NCOA1: variants seen among roughly 807,000 people sequenced by gnomAD.
NCOA1 encodes Hin-2 protein.
Under a neutral mutation model 150.9 loss-of-function variants are expected in NCOA1, and 35 were observed. The ratio of observed to expected loss-of-function variants is 0.23; its 90% CI spans 0.18 to 0.31. The LOEUF (loss-of-function observed/expected upper bound fraction) is 0.31, where lower values mean the gene tolerates loss of function less well. NCOA1 is among the 10% of genes least tolerant of loss of function. The pLI is 1.00. For synonymous variants in NCOA1, 590 were observed against 630.0 expected (o/e 0.94, Z 0.95); for missense variants, 1,491 against 1,749.3 (o/e 0.85, Z 2.63).
intron 22 of NCOA1, among the ~76,000 whole-genome samples, chr2:24,764,121 A>G (rs149233871): frequency 1.1e-4 from 16 of 152,324 alleles, no homozygotes; most frequent in Non-Finnish European, 2.1e-4. Context: ...AAGCCTCACT[A>G]TAACCCTATG....
chr2:24,610,124 CTTTTT>C (rs775178797), intron 3 of NCOA1, among the ~76,000 whole-genome samples: 1 of 90,200 alleles, frequency 1.1e-5, no homozygotes, highest in Non-Finnish European at 2.2e-5. Flanking sequence ...AGGCTGCATT[CTTTTT>C]TTTTTTTTTT....
chr2:24,597,951 C>A (rs1251327210), intron 3 of NCOA1, among the ~76,000 whole-genome samples: 1 of 152,068 alleles, frequency 6.6e-6, no homozygotes, highest in Non-Finnish European at 1.5e-5. Flanking sequence ...ACAACAGGCC[C>A]CGGTGTGTGA....
chr2:24,692,328 A>G (rs554817015), intron 9 of NCOA1, among the ~76,000 whole-genome samples: 1 of 152,366 alleles, frequency 6.6e-6, no homozygotes, highest in Admixed American at 6.5e-5. Context: ...CGGAGGTAAC[A>G]ATCAACTGGA....
intron 4 of NCOA1, among the ~76,000 whole-genome samples, chr2:24,656,142 A>G (rs1245509432): frequency 1.3e-5 from 2 of 151,448 alleles, no homozygotes; most frequent in Admixed American, 6.6e-5. Context: ...GCTTGCATGC[A>G]GGATATGAGA....
chr2:24,752,311 C>G (rs946879629), intron 20 of NCOA1, among the ~76,000 whole-genome samples, 155 bp downstream of exon 20: 5 of 152,158 alleles, frequency 3.3e-5, no homozygotes, highest in Non-Finnish European at 7.4e-5. Context: ...TATGACGTTT[C>G]CCCGTTCCCC....
chr2:24,726,766 A>G (rs757091672), intron 15 of NCOA1, 60 bp downstream of exon 15: 38 of 1,027,578 alleles, frequency 3.7e-5, no homozygotes, highest in African/African-American at 2.5e-4. Context: ...ACAGAGAACT[A>G]TTTTTTCCAA....
At chr2:24,530,221 A>T (rs1358699498) in intron 1 of NCOA1, among the ~76,000 whole-genome samples, 1 of 152,232 alleles carries the variant, frequency 6.6e-6, no homozygotes, top group African/African-American at 2.4e-5. Context: ...GCAAAAAATG[A>T]TCACTCTGTT....
chr2:24,657,024 T>C (rs1670979680), intron 4 of NCOA1, among the ~76,000 whole-genome samples: 1 of 152,244 alleles, frequency 6.6e-6, no homozygotes, highest in Non-Finnish European at 1.5e-5. Flanking sequence ...GTTCTATTTT[T>C]AGTTTTTTGA....
intron 6 of NCOA1, among the ~76,000 whole-genome samples, chr2:24,667,500 G>C (rs1190400209): frequency 6.6e-6 from 1 of 152,088 alleles, no homozygotes; most frequent in African/African-American, 2.4e-5. Flanking sequence ...CAGAAAAAAG[G>C]GAACTCAGAG....
Position 24,691,526 on chromosome 2 carries a change from A to G in NCOA1, c.578A>G (p.His193Arg), listed in dbSNP as rs373544264. 73 of 1,614,068 alleles carry G rather than the reference A, an allele frequency of 4.5e-5. No homozygotes were observed. The highest frequency in any genetic ancestry group is 4.9e-5 in the Non-Finnish European group (58 of 1,180,016). ...CAAGAGGCAACACGACGAAATAGCC[A>G]TACCTTTAACTGCAGGATGCTAATT... ...WPQEATRRNSHTFNCRMLIHP... is the reference protein window; with the variant it reads ...WPQEATRRNSRTFNCRMLIHP... The change falls in exon 9 of 23, where the codon CAT (histidine) becomes CGT (arginine). Residue 193 changes from histidine (H) to arginine (R), a missense_variant. Physicochemically the swap from His to Arg is conservative, Grantham distance 29. Transcript: ENST00000348332.
At chr2:24,742,788 G>T (rs1663677602) in intron 19 of NCOA1, among the ~76,000 whole-genome samples, 1 of 152,052 alleles carries the variant, frequency 6.6e-6, no homozygotes, top group South Asian at 2.1e-4. Flanking sequence ...CCACACAATG[G>T]ATTTTAGTAC....
rs867274415 is a variant in NCOA1, at chr2:24,706,709, G to A, written c.1239G>A (p.Met413Ile). 2 of 1,614,118 alleles carry A rather than the reference G, an allele frequency of 1.2e-6. No individual in the cohort carries two copies. The highest frequency in any genetic ancestry group is 1.1e-5 in the South Asian group (1 of 91,086). ...CATTGCCACCATCCAACAGCAACAT[G>A]GTATCCACCAGAATAAACCGCCAGC... ...SSTLPPSNSN[M>I]VSTRINRQQS... Residue 413 changes from methionine to isoleucine, a missense_variant, in exon 13 of 23, where the codon ATG (methionine) becomes ATA (isoleucine). By Grantham distance (10) the Met-to-Ile change is conservative. Coordinates refer to ENST00000348332, the MANE Select transcript of NCOA1 (RefSeq NM_003743.5).
At chr2:24,711,631 CT>C (rs1673753657) in intron 14 of NCOA1, 2 of 152,344 alleles carry the variant, frequency 1.3e-5, no homozygotes, top group Non-Finnish European at 2.9e-5. Flanking sequence ...TATGGAATTT[CT>C]TTTCTCAAGT....
chr2:24,563,042 G>A (rs1392865606), intron 1 of NCOA1, among the ~76,000 whole-genome samples: 7 of 152,172 alleles, frequency 4.6e-5, no homozygotes, highest in East Asian at 1.9e-4. Flanking sequence ...CATTATTTTC[G>A]AAAGCCAGAT....
At chr2:24,633,113 T>C (rs559453279) in intron 3 of NCOA1, among the ~76,000 whole-genome samples, 84 of 152,156 alleles carry the variant, frequency 5.5e-4, no homozygotes, top group African/African-American at 2.0e-3. Flanking sequence ...TATACACACG[T>C]ACACATACAG....
At chr2:24,669,276 T>A (rs1303803431) in intron 6 of NCOA1, among the ~76,000 whole-genome samples, 2 of 152,212 alleles carry the variant, frequency 1.3e-5, no homozygotes, top group Non-Finnish European at 2.9e-5. Flanking sequence ...GATTGACTCC[T>A]TCCATCTTTT....
Position 24,566,081 on chromosome 2 carries a change from A to G in NCOA1, c.-260+1651A>G, listed in dbSNP as rs191667985. 4.3e-4 allele frequency among the ~76,000 whole-genome samples: 65 copies of G among 152,224 alleles called. 1 individual carries two copies. In the South Asian group the frequency reaches 9.5e-3, roughly 22 times the overall value. On this transcript the variant is annotated intron_variant, in intron 2 of 22. Coordinates refer to ENST00000348332, the MANE Select transcript of NCOA1 (RefSeq NM_003743.5). ...TCCTGTTTGTGTTACAACTTTTTCA[A>G]TCCTGCCATTTGATATGTCCCGAGT...
chr2:24,753,409 A>G (rs1280541708), intron 20 of NCOA1, among the ~76,000 whole-genome samples: 1 of 151,594 alleles, frequency 6.6e-6, no homozygotes, highest in Admixed American at 6.6e-5. Context: ...TCAATAACCT[A>G]TTTCTCTGCT....
chr2:24,527,574 G>A (rs78602006), intron 1 of NCOA1, among the ~76,000 whole-genome samples: 1 of 152,200 alleles, frequency 6.6e-6, no homozygotes, highest in East Asian at 1.9e-4. Context: ...ATTAATGGAC[G>A]ACTAGTTTGT....
Sources: gnomAD v4.1 joint callset for allele counts (sites outside exome capture counted in the v4.1 genomes callset) on GRCh38, gnomAD v4.1.1 for gene constraint, MANE v1.5 for transcripts, NCBI Gene and HGNC (gene_info 2026-07-23, HGNC 2026-07-21) for gene names.